PTPRD: variants seen among roughly 807,000 people sequenced by gnomAD.
PTPRD encodes the protein receptor-type tyrosine-protein phosphatase delta.
Under a neutral mutation model 214.5 loss-of-function variants are expected in PTPRD, and 34 were observed. The observed-to-expected ratio is 0.16, with a 90% CI of 0.12 to 0.21. The LOEUF (loss-of-function observed/expected upper bound fraction) is 0.21, where lower values mean the gene tolerates loss of function less well. PTPRD is among the 10% of genes least tolerant of loss of function. The pLI is 1.00. For synonymous variants in PTPRD, 1,128 were observed against 845.7 expected, an observed-to-expected ratio of 1.33 and a Z score of -5.79; for missense variants, 2,545 against 2,398.7, an observed-to-expected ratio of 1.06 and a Z score of -1.27.
chr9:8,782,114 TATGGTATAAA>T, intron 11 of PTPRD, among the ~76,000 whole-genome samples: 1 of 99,966 alleles, frequency 1.0e-5, no homozygotes, highest in African/African-American at 3.8e-5. Context: ...CCATAATGTT[TATGGTATAAA>T]ACATACCATA....
chr9:8,573,250 G>A (rs1049171485), intron 14 of PTPRD, among the ~76,000 whole-genome samples: 7 of 151,876 alleles, frequency 4.6e-5, no homozygotes, highest in African/African-American at 1.7e-4. Flanking sequence ...TGCAAATTTT[G>A]TTATTCTCTT....
At chr9:8,542,213 C>T (rs1191660938) in intron 14 of PTPRD, among the ~76,000 whole-genome samples, 1 of 152,144 alleles carries the variant, frequency 6.6e-6, no homozygotes, top group African/African-American at 2.4e-5. Flanking sequence ...CACTTCGGTG[C>T]TTGCGGGCAT....
At chr9:9,197,706 C>A (rs368575138) in intron 9 of PTPRD, among the ~76,000 whole-genome samples, 2 of 152,194 alleles carry the variant, frequency 1.3e-5, no homozygotes, top group African/African-American at 2.4e-5. Flanking sequence ...CCACCATGTC[C>A]GGCCTATTTT....
At chr9:9,403,629 T>A (rs557414993) in intron 8 of PTPRD, among the ~76,000 whole-genome samples, 194 of 152,178 alleles carry the variant, frequency 1.3e-3, no homozygotes, top group African/African-American at 4.6e-3. Flanking sequence ...ATCAAACAAA[T>A]CAGTAAGTAA....
At chr9:8,995,495 T>TG (rs1170388707) in intron 11 of PTPRD, among the ~76,000 whole-genome samples, 1 of 152,034 alleles carries the variant, frequency 6.6e-6, no homozygotes, top group Non-Finnish European at 1.5e-5. Context: ...CCACAGTGGG[T>TG]CACTATTTTA....
At chr9:8,349,949 TA>T (rs1482114149) in intron 39 of PTPRD, among the ~76,000 whole-genome samples, 228 of 139,040 alleles carry the variant, frequency 1.6e-3, no homozygotes, top group Non-Finnish European at 2.6e-3. Context: ...TTTTTTTTTT[TA>T]AATTTCAGTA....
chr9:8,911,978 G>A (rs183754373), intron 11 of PTPRD, among the ~76,000 whole-genome samples: 30 of 152,254 alleles, frequency 2.0e-4, no homozygotes, highest in Admixed American at 1.3e-3. Context: ...CCACTAGAAT[G>A]ACTATATTCA....
chr9:8,515,868 G>C (rs955137593), intron 21 of PTPRD, among the ~76,000 whole-genome samples: 9 of 152,054 alleles, frequency 5.9e-5, no homozygotes, highest in Non-Finnish European at 1.0e-4. Flanking sequence ...AGGAGCACTA[G>C]AAAACAAATA....
At chr9:8,467,216 G>A (rs2096561974) in intron 31 of PTPRD, among the ~76,000 whole-genome samples, 1 of 151,710 alleles carries the variant, frequency 6.6e-6, no homozygotes, top group African/African-American at 2.4e-5. Flanking sequence ...ACGGTAGATT[G>A]GGCATCACTT....
chr9:9,509,961 T>A (rs948378056), intron 8 of PTPRD, among the ~76,000 whole-genome samples: 2 of 151,574 alleles, frequency 1.3e-5, no homozygotes, highest in East Asian at 1.9e-4. Flanking sequence ...TGCCTGATAG[T>A]CCCTAACAAG....
chr9:8,955,144 C>G lies in PTPRD; in HGVS notation c.-104+63553G>C, dbSNP rs563218940. Reference sequence around the variant, plus strand: ...AGCTGAAGTGGGATATAATAATACTCTTAAAAAATATGAAGAGCTAATATT... The same window carrying G: ...AGCTGAAGTGGGATATAATAATACTGTTAAAAAATATGAAGAGCTAATATT... On this transcript the variant is annotated intron_variant, in intron 11 of 45. Transcript: ENST00000381196. Among the ~76,000 whole-genome samples, 5 of 151,996 alleles carry G rather than the reference C, an allele frequency of 3.3e-5. No individual in the cohort carries two copies. In the East Asian group the frequency reaches 7.7e-4, roughly 24 times the overall value.
At chr9:10,267,311 G>A (rs899788733) in intron 3 of PTPRD, among the ~76,000 whole-genome samples, 2 of 152,016 alleles carry the variant, frequency 1.3e-5, no homozygotes, top group African/African-American at 4.8e-5. Flanking sequence ...ACAAATTATA[G>A]GCACTTAGTA....
intron 7 of PTPRD, among the ~76,000 whole-genome samples, chr9:9,688,396 G>T (rs185762379): frequency 4.0e-5 from 6 of 151,766 alleles, no homozygotes; most frequent in Non-Finnish European, 7.4e-5. Context: ...GACAAGAATA[G>T]AATTTCCTTT....
At position 8,852,445 on chromosome 9, in the gene PTPRD, A is replaced by G. The variant is rs576142069; in HGVS notation, c.-103-118499T>C. On this transcript the variant is annotated intron_variant, in intron 11 of 45. Coordinates refer to ENST00000381196, the MANE Select transcript of PTPRD (RefSeq NM_002839.4). ...TCAATGAATTCAAAGAACTAAGAGA[A>G]AGCCTTGACTCAGATGGCTGCTTTG... Among the ~76,000 whole-genome samples the G allele has an allele frequency of 3.7e-4, 57 of 152,336 alleles. 1 individual carries two copies. The South Asian group carries it at 0.012, about 31-fold the overall frequency.
intron 5 of PTPRD, among the ~76,000 whole-genome samples, chr9:9,911,569 A>G (rs1197237136): frequency 6.6e-6 from 1 of 152,124 alleles, no homozygotes; most frequent in Non-Finnish European, 1.5e-5. Context: ...CATTTTAATA[A>G]AGTTAACATT....
chr9:8,499,947 A>C (rs1766885203), intron 24 of PTPRD, 107 bp from the exon 25 acceptor site: 3 of 871,828 alleles, frequency 3.4e-6, no homozygotes, highest in Non-Finnish European at 5.0e-6. Flanking sequence ...AAATGGGTAA[A>C]CCCACTATGT....
intron 2 of PTPRD, among the ~76,000 whole-genome samples, chr9:10,473,654 ACT>A (rs2099045125): frequency 6.6e-6 from 1 of 152,048 alleles, no homozygotes; most frequent in Admixed American, 6.6e-5. Flanking sequence ...TTTTTTATGA[ACT>A]CAATATTTTG....
intron 14 of PTPRD, among the ~76,000 whole-genome samples, chr9:8,552,936 A>G (rs960204594): frequency 6.6e-6 from 1 of 152,200 alleles, no homozygotes; most frequent in African/African-American, 2.4e-5. Flanking sequence ...GCTAGAGCCA[A>G]TAGCATGCCA....
At chr9:10,538,285 AATAAATAAAT>A (rs1476308390) in intron 2 of PTPRD, among the ~76,000 whole-genome samples, 57 of 146,562 alleles carry the variant, frequency 3.9e-4, no homozygotes, top group African/African-American at 1.5e-3. Flanking sequence ...TAAATAAATA[AATAAATAAAT>A]AAAAAGGGAG....
Sources: gnomAD v4.1 joint callset for allele counts (sites outside exome capture counted in the v4.1 genomes callset) on GRCh38, gnomAD v4.1.1 for gene constraint, MANE v1.5 for transcripts, NCBI Gene and HGNC (gene_info 2026-07-23, HGNC 2026-07-21) for gene names.